Variants in GAS6 observed in about 807,000 individuals in gnomAD.
GAS6 encodes growth arrest specific 6.
GAS6 carries 41 observed loss-of-function variants against 75.8 expected under a neutral mutation model. That is an observed-to-expected ratio of 0.54 (90% CI 0.42 to 0.70). The LOEUF (loss-of-function observed/expected upper bound fraction) is 0.70. Among genes scored for constraint, GAS6 ranks in the 30% least tolerant of loss-of-function variants. The pLI is 0.00. For synonymous variants in GAS6, 432 were observed against 412.6 expected (o/e 1.05, Z -0.57); for missense variants, 854 against 940.2 (o/e 0.91, Z 1.20).
Position 113,823,544 on chromosome 13 carries a change from G to C in GAS6, c.1484C>G (p.Thr495Ser). The change falls in exon 13 of 15, where the codon ACC becomes AGC. Residue 495 changes from threonine to serine, a missense_variant. By Grantham distance (58) the Thr-to-Ser change is moderately conservative. Transcript: ENST00000327773. ...FAFYSLDYMR[T>S]PLDVGTESTW... ...TGATTCAGTCCCGACGTCCAGAGGG[G>C]TCCGCACTGCAATGAAAGCGGTGCA... is the stretch of plus-strand genomic sequence containing the variant. The C allele has an allele frequency of 6.2e-7, 1 of 1,610,278 alleles. No homozygotes were observed. The highest frequency in any genetic ancestry group is 1.3e-5 in the African/African-American group (1 of 75,000).
intron 2 of GAS6, among the ~76,000 whole-genome samples, chr13:113,851,215 G>GTGGA (rs1218924119): frequency 1.3e-5 from 2 of 152,004 alleles, no homozygotes; most frequent in Non-Finnish European, 2.9e-5. Context: ...AGATGGGTGA[G>GTGGA]TGGATGGATG....
chr13:113,834,865 C>A (rs543155639), intron 7 of GAS6, 193 bp from the exon 8 acceptor site: 7 of 480,040 alleles, frequency 1.5e-5, no homozygotes, highest in African/African-American at 1.4e-4. Context: ...TGCTCCTGCC[C>A]GGGCTCTTTC....
chr13:113,851,500 GGTGGGTGGGTGA>G (rs1206966389), intron 2 of GAS6, among the ~76,000 whole-genome samples: 26 of 151,140 alleles, frequency 1.7e-4, no homozygotes, highest in African/African-American at 2.7e-4. Flanking sequence ...TGAATGAATA[GGTGGGTGGGTGA>G]GTGGGTGGGT....
At chr13:113,861,641 G>A (rs1410193075) in intron 2 of GAS6, among the ~76,000 whole-genome samples, 2 of 152,274 alleles carry the variant, frequency 1.3e-5, no homozygotes, top group South Asian at 2.1e-4. Context: ...CTAGGGTCCT[G>A]GGAGGGGTGG....
rs1369259935 is a variant in GAS6 at position 113,845,749 on chromosome 13, A to T, written c.343+778T>A. On this transcript the variant is annotated intron_variant, in intron 4 of 14. Coordinates refer to ENST00000327773, the MANE Select transcript of GAS6 (RefSeq NM_000820.4). The surrounding 1 kb of genome is among the most constrained non-coding windows in gnomAD (Gnocchi z 4.3). ...GGACAGCTTTACTCATTAGTTAAAAAAAAAAAAAAAAACCTGAAATGACTG... is the reference window on the plus strand; with the variant it reads ...GGACAGCTTTACTCATTAGTTAAAATAAAAAAAAAAAACCTGAAATGACTG... 4.3e-5 allele frequency: 6 copies of T among 140,420 alleles called. No homozygotes were observed. The highest frequency in any genetic ancestry group is 1.9e-4 in the African/African-American group (6 of 31,938). 8.7% of individuals were successfully genotyped at this position (140,420 alleles called of 1,614,324 possible).
In GAS6 at chr13:113,835,578, G is replaced by C. The variant is rs532476069; in HGVS notation, c.647C>G (p.Pro216Arg). The C allele has an allele frequency of 1.2e-6, 2 of 1,612,582 alleles. No individual in the cohort carries two copies. Among genetic ancestry groups the C allele is most frequent in the African/African-American group, 2.7e-5 (2 of 75,038 alleles). ...ACGEARCKNL[P>R]GSYSCLCDEG... is the part of the protein sequence containing the mutation. ...GTCACAGAGGCAGGAGTAGGAGCCG[G>C]GCAGGTTCTTGCAGCGCGCCTCCCC... The change falls in exon 7 of 15, where the codon CCC becomes CGC. Residue 216 changes from proline (P) to arginine (R), a missense_variant. By Grantham distance (103) the Pro-to-Arg change is moderately radical. Coordinates refer to ENST00000327773, the MANE Select transcript of GAS6 (RefSeq NM_000820.4).
chr13:113,856,841 T>C (rs2051919279), intron 2 of GAS6, among the ~76,000 whole-genome samples: 1 of 152,260 alleles, frequency 6.6e-6, no homozygotes, highest in African/African-American at 2.4e-5. Context: ...TCTCTGCTTC[T>C]GCAGGGACGG....
chr13:113,862,256 T>G (rs936854009), intron 2 of GAS6, among the ~76,000 whole-genome samples: 2 of 151,636 alleles, frequency 1.3e-5, no homozygotes, highest in African/African-American at 2.4e-5. Context: ...GCGGAGCGGG[T>G]ACTGTGGGGT....
rs2051823640 is a variant in GAS6 at position 113,845,099 on chromosome 13, GC to G, written c.343+1427del. 1 of 150,740 alleles carries G rather than the reference GC, an allele frequency of 6.6e-6. No individual in the cohort carries two copies. Among genetic ancestry groups the G allele is most frequent in the Non-Finnish European group, 1.5e-5 (1 of 68,010 alleles). 9.3% of individuals were successfully genotyped at this position (150,740 alleles called of 1,614,324 possible). A position where few individuals can be genotyped will look rare whatever the true frequency, so the allele number is the denominator to read the frequency against. ...CCTCTGCCCCAAATGCAGACATTGG[GC>G]CCTACGTGGCACCTGGCTACTGTGC... On this transcript the variant is annotated intron_variant, in intron 4 of 14. Coordinates refer to ENST00000327773, the MANE Select transcript of GAS6 (RefSeq NM_000820.4). This position sits in a 1 kb window ranked among gnomAD's most constrained non-coding sequence, Gnocchi z 4.3.
chr13:113,838,311 C>T (rs2051738499), intron 5 of GAS6, 120 bp from the exon 6 acceptor site: 4 of 1,212,676 alleles, frequency 3.3e-6, no homozygotes, highest in Non-Finnish European at 2.4e-6. Flanking sequence ...CAGAGGTGCA[C>T]AGCCCAGCCC....
rs368322121 is a variant in GAS6 at position 113,824,608 on chromosome 13, C to T, written c.1478-1058G>A. On this transcript the variant is annotated intron_variant, in intron 12 of 14. Coordinates refer to ENST00000327773, the MANE Select transcript of GAS6 (RefSeq NM_000820.4). ...AGAAGCTGTTTTAGGAAAAAGGACCCCAAATCACTGTGTGTACACATTTGT... is the reference window on the plus strand; with the variant it reads ...AGAAGCTGTTTTAGGAAAAAGGACCTCAAATCACTGTGTGTACACATTTGT... Among the ~76,000 whole-genome samples the T allele has an allele frequency of 5.5e-3, 841 of 152,270 alleles. 7 individuals carry two copies. The highest frequency in any genetic ancestry group is 0.019 in the African/African-American group (799 of 41,538).
intron 8 of GAS6, among the ~76,000 whole-genome samples, chr13:113,834,021 C>T (rs929919869): frequency 2.4e-4 from 33 of 137,930 alleles, no homozygotes; most frequent in Middle Eastern, 0.011. Context: ...TGACAGGCCC[C>T]GGTGTGACAG....
chr13:113,820,999 C>T lies in GAS6; in HGVS notation c.1902G>A (p.Ala634=), dbSNP rs755543652. Residue 634 remains alanine, a synonymous_variant, in exon 15 of 15, where the codon GCG becomes GCA. Transcript: ENST00000327773. ...AGCCGCGGTAGAACGCGGTGACTGG[C>T]GCTGAAGTCACCGGCACATCTGGGC... ...GGLPDVPVTS[A]PVTAFYRGCM... 51 of 1,612,418 alleles carry T rather than the reference C, an allele frequency of 3.2e-5. No individual in the cohort carries two copies. The highest frequency in any genetic ancestry group is 1.1e-4 in the East Asian group (5 of 44,884).
At chr13:113,833,417 G>A (rs539210303) in intron 8 of GAS6, 13 of 992,004 alleles carry the variant, frequency 1.3e-5, no homozygotes, top group South Asian at 4.6e-5. Flanking sequence ...CTGCGACTCC[G>A]AGAAGCTGTC....
chr13:113,824,715 T>C (rs917468486), intron 12 of GAS6, among the ~76,000 whole-genome samples: 1 of 152,040 alleles, frequency 6.6e-6, no homozygotes, highest in African/African-American at 2.4e-5. Context: ...CACGGGGCTG[T>C]GTACGCCTGA....
intron 5 of GAS6, 144 bp from the exon 6 acceptor site, chr13:113,838,335 G>A (rs2051738827): frequency 1.0e-6 from 1 of 953,244 alleles, no homozygotes; most frequent in South Asian, 1.5e-5. Flanking sequence ...AGCAGAGAGA[G>A]ATCCCAAAGG....
Position 113,844,773 on chromosome 13 carries a change from C to T in GAS6, c.343+1754G>A, listed in dbSNP as rs1239936756. 6.6e-6 allele frequency: 1 copy of T among 150,478 alleles called. No individual in the cohort carries two copies. The highest frequency in any genetic ancestry group is 1.5e-5 in the Non-Finnish European group (1 of 68,050). The allele number at this position is 150,478 out of a possible 1,614,324, so 9.3% of individuals were successfully genotyped here. A position where few individuals can be genotyped will look rare whatever the true frequency, so the allele number is the denominator to read the frequency against. On this transcript the variant is annotated intron_variant, in intron 4 of 14. Transcript: ENST00000327773. This position sits in a 1 kb window ranked among gnomAD's most constrained non-coding sequence, Gnocchi z 5.7. ...CTCCCAAATACCCAGCATATGAGGA[C>T]GGCAGCAGGTGAGGCACTGGGGTGA...
At chr13:113,853,243 T>C (rs2051889925) in intron 2 of GAS6, among the ~76,000 whole-genome samples, 1 of 152,318 alleles carries the variant, frequency 6.6e-6, no homozygotes, top group South Asian at 2.1e-4. Flanking sequence ...TTCCAGAACA[T>C]TTCCTAAACA....
In GAS6 at chr13:113,863,683, G is replaced by C. The variant is rs2051991979; in HGVS notation, c.147C>G (p.Ala49=). The C allele has an allele frequency of 6.6e-7, 1 of 1,517,862 alleles. No homozygotes were observed. The highest frequency in any genetic ancestry group is 1.2e-5 in the South Asian group (1 of 81,370). 94.0% of individuals were successfully genotyped at this position (1,517,862 alleles called of 1,614,324 possible). A position where few individuals can be genotyped will look rare whatever the true frequency, so the allele number is the denominator to read the frequency against. ...TQFLRPRQRR[A]FQVFEEAKQG... is the part of the protein sequence containing the mutation. ...GCTTGGCCTCCTCGAAGACCTGAAAGGCGCGGCGCTGCCTGGGCCGCAGGA... is the reference window on the plus strand; with the variant it reads ...GCTTGGCCTCCTCGAAGACCTGAAACGCGCGGCGCTGCCTGGGCCGCAGGA... The change falls in exon 2 of 15, where the codon GCC becomes GCG. Residue 49 remains alanine (A), a synonymous_variant. Transcript: ENST00000327773. The surrounding 1 kb of genome is among the most constrained non-coding windows in gnomAD (Gnocchi z 9.4).
Sources: allele counts gnomAD v4.1 joint callset (sites outside exome capture counted in the v4.1 genomes callset), GRCh38; gene constraint gnomAD v4.1.1; non-coding constraint Gnocchi (gnomAD v3.1); transcripts MANE v1.5; gene names NCBI Gene and HGNC (gene_info 2026-07-23, HGNC 2026-07-21).